The following CCDC102B variants were observed in gnomAD, a reference collection of about 807,000 sequenced individuals.
The protein encoded by CCDC102B is coiled-coil domain-containing protein 102B.
Under a neutral mutation model 57.4 loss-of-function variants are expected in CCDC102B, and 75 were observed. The ratio of observed to expected loss-of-function variants is 1.31; its 90% CI spans 1.08 to 1.58. The LOEUF (loss-of-function observed/expected upper bound fraction) is 1.58. Among genes scored for constraint, CCDC102B ranks in the 40% most tolerant of loss-of-function variants. CCDC102B has a pLI of 0.00. For synonymous variants in CCDC102B, 206 were observed against 201.9 expected (o/e 1.02, Z -0.17); for missense variants, 636 against 582.6 (o/e 1.09, Z -0.94).
At chr18:69,031,709 C>T (rs553831778) in intron 7 of CCDC102B, among the ~76,000 whole-genome samples, 8 of 152,034 alleles carry the variant, frequency 5.3e-5, no homozygotes, top group Non-Finnish European at 8.8e-5. Context: ...GGTTTCACTC[C>T]CCTTTGTGGA....
At chr18:68,898,015 G>A (rs1472682613) in intron 6 of CCDC102B, among the ~76,000 whole-genome samples, 3 of 151,962 alleles carry the variant, frequency 2.0e-5, no homozygotes, top group Admixed American at 6.6e-5. Flanking sequence ...TTTTGGATGT[G>A]TTTTATCCCC....
intron 6 of CCDC102B, among the ~76,000 whole-genome samples, chr18:68,932,480 G>T (rs947959677): frequency 7.2e-5 from 11 of 151,816 alleles, no homozygotes; most frequent in African/African-American, 2.7e-4. Context: ...TGTTGATAAA[G>T]ATCATAGATA....
intron 4 of CCDC102B, among the ~76,000 whole-genome samples, chr18:68,857,322 T>A (rs1418030383): frequency 9.1e-5 from 7 of 77,118 alleles, no homozygotes; most frequent in African/African-American, 1.5e-4. Context: ...TTATATATTA[T>A]ATATATAAAA....
intron 6 of CCDC102B, among the ~76,000 whole-genome samples, chr18:69,003,255 A>G (rs1446610798): frequency 1.3e-5 from 2 of 152,214 alleles, no homozygotes; most frequent in Admixed American, 6.5e-5. Context: ...AAGAAAAATT[A>G]TCTTGTTTAA....
intron 2 of CCDC102B, among the ~76,000 whole-genome samples, chr18:68,765,351 AAGAAAGAAAGAAAG>A: frequency 6.9e-6 from 1 of 145,900 alleles, no homozygotes; most frequent in Non-Finnish European, 1.5e-5. Context: ...GAAAGAAAGA[AAGAAAGAAAGAAAG>A]AAAGAAAGAA....
chr18:68,800,249 G>A (rs2035797191), intron 1 of CCDC102B, among the ~76,000 whole-genome samples: 1 of 152,082 alleles, frequency 6.6e-6, no homozygotes, highest in Non-Finnish European at 1.5e-5. Flanking sequence ...CTATTTCCAC[G>A]ATGTTGTGCT....
rs193205280 is a variant in CCDC102B at position 68,717,511 on chromosome 18, A to T, written c.-67+917A>T. Among the ~76,000 whole-genome samples the T allele has an allele frequency of 4.1e-3, 632 of 152,304 alleles. 4 individuals carry two copies. Among genetic ancestry groups the T allele is most frequent in the Non-Finnish European group, 7.5e-3 (513 of 68,026 alleles). ...TAATTATATACTTGGTTTGCATTACATTTCCGTTGCACATCACTGATCTAG... is the reference window on the plus strand; with the variant it reads ...TAATTATATACTTGGTTTGCATTACTTTTCCGTTGCACATCACTGATCTAG... On this transcript the variant is annotated intron_variant, in intron 2 of 3. Transcript: ENST00000578970.
intron 6 of CCDC102B, among the ~76,000 whole-genome samples, chr18:68,989,746 A>G (rs908353839): frequency 2.0e-4 from 30 of 152,196 alleles, no homozygotes; most frequent in African/African-American, 6.8e-4. Flanking sequence ...AAGCGGAAAA[A>G]TAAGTCTTGT....
At chr18:68,850,187 G>A (rs985057015) in intron 4 of CCDC102B, among the ~76,000 whole-genome samples, 2 of 152,110 alleles carry the variant, frequency 1.3e-5, no homozygotes, top group Non-Finnish European at 2.9e-5. Context: ...ACATCGTATA[G>A]CCATACTTAC....
At chr18:68,874,208 GTGTGTA>G (rs66843176) in intron 4 of CCDC102B, among the ~76,000 whole-genome samples, 27,985 of 103,272 alleles carry the variant, frequency 0.27, 3,200 homozygotes, top group East Asian at 0.49. Context: ...GTGTGTGTGT[GTGTGTA>G]TATATATATA....
rs1391547567 is a variant in CCDC102B, at chr18:68,897,234, G to C, written c.1069G>C (p.Ala357Pro). ...CTGTGTGTAGCTAGAGAGATTGCAA[G>C]CTGAAAATACCTCGGAGTGGGACAA... ...ELRAELERLQ[A>P]ENTSEWDKRE... Residue 357 changes from alanine to proline, a missense_variant, in exon 6 of 8, where the codon GCT becomes CCT. Physicochemically the swap from Ala to Pro is conservative, Grantham distance 27. Transcript: ENST00000360242. 1 of 1,612,078 alleles carries C rather than the reference G, an allele frequency of 6.2e-7. No homozygotes were observed. Among genetic ancestry groups the C allele is most frequent in the East Asian group, 2.2e-5 (1 of 44,852 alleles).
chr18:68,949,310 A>T (rs1209042862), intron 6 of CCDC102B, among the ~76,000 whole-genome samples: 1 of 152,144 alleles, frequency 6.6e-6, no homozygotes, highest in Non-Finnish European at 1.5e-5. Flanking sequence ...AAAATAAGTT[A>T]TAAGAGATGG....
At chr18:68,998,967 CATATATATATATATAT>C (rs377246950) in intron 6 of CCDC102B, among the ~76,000 whole-genome samples, 41 of 92,014 alleles carry the variant, frequency 4.5e-4, no homozygotes, top group African/African-American at 1.2e-3. Flanking sequence ...ACATAATCAT[CATATATATATATATAT>C]ATATATATAT....
chr18:69,056,075 A>G (rs1208251388), downstream of CCDC102B, among the ~76,000 whole-genome samples: 1 of 152,094 alleles, frequency 6.6e-6, no homozygotes, highest in Non-Finnish European at 1.5e-5. Context: ...CACGTATGTA[A>G]TGGAGATTAT....
At chr18:68,775,610 T>C (rs1416832254) in intron 2 of CCDC102B, among the ~76,000 whole-genome samples, 3 of 151,956 alleles carry the variant, frequency 2.0e-5, no homozygotes, top group Non-Finnish European at 4.4e-5. Context: ...GAAAAATAGA[T>C]TGCTTTCCTT....
chr18:68,716,475 G>GCCTAC (rs1344933924), intron 1 of CCDC102B: 11 of 152,096 alleles, frequency 7.2e-5, no homozygotes, highest in African/African-American at 2.4e-5. Context: ...TTGAGCTTTT[G>GCCTAC]AAATGTGCCT....
intron 7 of CCDC102B, among the ~76,000 whole-genome samples, chr18:69,035,033 T>A (rs1425726152): frequency 1.3e-5 from 2 of 152,038 alleles, no homozygotes; most frequent in African/African-American, 4.8e-5. Flanking sequence ...AATTTATTTA[T>A]AAGCAAGCAT....
At chr18:68,818,798 A>G (rs2036588578) in intron 1 of CCDC102B, among the ~76,000 whole-genome samples, 2 of 152,164 alleles carry the variant, frequency 1.3e-5, no homozygotes, top group South Asian at 2.1e-4. Context: ...AGCAATTAGG[A>G]ATAATGTTGC....
At position 68,990,647 on chromosome 18, in the gene CCDC102B, G is replaced by T. The variant is rs189523340; in HGVS notation, c.1264-20287G>T. On this transcript the variant is annotated intron_variant, in intron 6 of 7. Transcript: ENST00000360242. ...CCATTATATTACTCTCATTGTTTTC[G>T]CTATCAAAATTATTTCCACAGATGT... Among the ~76,000 whole-genome samples the T allele has an allele frequency of 2.2e-4, 33 of 151,914 alleles. No individual in the cohort carries two copies. In the East Asian group the frequency reaches 6.2e-3, roughly 28 times the overall value.
Sources: allele counts gnomAD v4.1 joint callset (sites outside exome capture counted in the v4.1 genomes callset), GRCh38; gene constraint gnomAD v4.1.1; transcripts MANE v1.5; gene names NCBI Gene and HGNC (gene_info 2026-07-23, HGNC 2026-07-21).